The following GRAMD1B variants were observed in gnomAD, a reference collection of about 807,000 sequenced individuals.
GRAMD1B encodes protein Aster-B.
GRAMD1B carries 37 observed loss-of-function variants against 99.7 expected under a neutral mutation model. The ratio of observed to expected loss-of-function variants is 0.37; its 90% CI spans 0.29 to 0.49. The LOEUF is 0.49. GRAMD1B is among the 20% of genes least tolerant of loss of function. GRAMD1B has a pLI of 0.98. For missense variants in GRAMD1B, 888 were observed against 1,009.2 expected (o/e 0.88, Z 1.63); for synonymous variants, 427 against 387.6 (o/e 1.10, Z -1.19).
At chr11:123,490,308 T>C (rs1334574607) in intron 2 of GRAMD1B, among the ~76,000 whole-genome samples, 1 of 152,044 alleles carries the variant, frequency 6.6e-6, no homozygotes, top group Non-Finnish European at 1.5e-5. Context: ...GATGAGATGA[T>C]ATGAATGAGA....
chr11:123,537,133 A>T (rs1944049883), intron 2 of GRAMD1B, among the ~76,000 whole-genome samples: 1 of 152,172 alleles, frequency 6.6e-6, no homozygotes, highest in Non-Finnish European at 1.5e-5. Flanking sequence ...TAAAAGGATG[A>T]GTCAGTACTG....
intron 5 of GRAMD1B, among the ~76,000 whole-genome samples, chr11:123,594,508 A>G (rs1171193653): frequency 6.6e-6 from 1 of 152,110 alleles, no homozygotes; most frequent in African/African-American, 2.4e-5. Context: ...TTGCCTTCAC[A>G]TTTATTTATC....
intron 1 of GRAMD1B, among the ~76,000 whole-genome samples, chr11:123,446,214 T>C (rs1234478263): frequency 6.6e-6 from 1 of 151,946 alleles, no homozygotes; most frequent in Non-Finnish European, 1.5e-5. Flanking sequence ...CGCCCAGACT[T>C]GAGTGCAGTG....
rs553761846 is a variant in GRAMD1B at position 123,593,898 on chromosome 11, T to C, written c.685-184T>C. On this transcript the variant is annotated intron_variant, in intron 4 of 19. Coordinates refer to ENST00000635736, the MANE Select transcript of GRAMD1B (RefSeq NM_001387025.1). ...CTGCATAGTGTTTCCCAGCACCAGA[T>C]TCTCCCCACTGTGTTTCTCCACACC... Among the ~76,000 whole-genome samples, 3 of 152,246 alleles carry C rather than the reference T, an allele frequency of 2.0e-5. No homozygotes were observed. In the East Asian group the frequency reaches 5.8e-4, roughly 29 times the overall value.
intron 1 of GRAMD1B, among the ~76,000 whole-genome samples, chr11:123,378,449 T>TAAGG (rs1178136276): frequency 6.6e-6 from 1 of 152,228 alleles, no homozygotes; most frequent in East Asian, 1.9e-4. Flanking sequence ...AAGGCTTTTA[T>TAAGG]CAAATATATG....
rs2137185931 is a variant in GRAMD1B at position 123,623,648 on chromosome 11, G to A, written c.*1053G>A. ...GAACACTGTGAGTGGTGAGCACCAA[G>A]ATGGGTTGCCAGCCTCATTTGCTCT... On this transcript the variant is annotated 3_prime_UTR_variant, in exon 20 of 20. Coordinates refer to ENST00000635736, the MANE Select transcript of GRAMD1B (RefSeq NM_001387025.1). 6.6e-6 allele frequency: 1 copy of A among 152,380 alleles called. No homozygotes were observed. The highest frequency in any genetic ancestry group is 2.1e-4 in the South Asian group (1 of 4,830). 9.4% of individuals were successfully genotyped at this position (152,380 alleles called of 1,614,324 possible). A position where few individuals can be genotyped will look rare whatever the true frequency, so the allele number is the denominator to read the frequency against.
At chr11:123,568,077 A>G (rs1947597648) in intron 2 of GRAMD1B, among the ~76,000 whole-genome samples, 1 of 152,100 alleles carries the variant, frequency 6.6e-6, no homozygotes, top group Non-Finnish European at 1.5e-5. Context: ...GGGCTGTCCC[A>G]TCTTTAAATT....
intron 3 of GRAMD1B, chr11:123,578,445 G>GT (rs1592100404): frequency 6.6e-7 from 1 of 1,519,222 alleles, no homozygotes. Context: ...GCCATCTTTT[G>GT]TCTCTGTCCT....
At chr11:123,599,638 A>T (rs1313663728) in intron 7 of GRAMD1B, among the ~76,000 whole-genome samples, 1 of 152,122 alleles carries the variant, frequency 6.6e-6, no homozygotes, top group African/African-American at 2.4e-5. Context: ...ACGCCTGGCT[A>T]ATTTTTGTAT....
intron 2 of GRAMD1B, among the ~76,000 whole-genome samples, chr11:123,483,611 T>C (rs1401154950): frequency 6.6e-6 from 1 of 152,124 alleles, no homozygotes; most frequent in Non-Finnish European, 1.5e-5. Context: ...TGCTCTCAAC[T>C]CCTGAGGTCA....
chr11:123,359,433 T>A (rs1946065515), intron 1 of GRAMD1B, among the ~76,000 whole-genome samples: 1 of 152,008 alleles, frequency 6.6e-6, no homozygotes, highest in Non-Finnish European at 1.5e-5. Context: ...GTTACTCTTG[T>A]GGAGTAGATG....
intron 2 of GRAMD1B, among the ~76,000 whole-genome samples, chr11:123,503,451 A>G (rs1940101820): frequency 1.3e-5 from 2 of 152,076 alleles, no homozygotes; most frequent in South Asian, 4.1e-4. Context: ...CCCCCCACCC[A>G]TACCCCTAAG....
At chr11:123,594,601 T>A in intron 5 of GRAMD1B, 134 bp from the exon 6 acceptor site, 1 of 630,702 alleles carries the variant, frequency 1.6e-6, no homozygotes, top group Non-Finnish European at 2.9e-6. Flanking sequence ...CTAGTTCAAG[T>A]GTCTGGCACC....
At chr11:123,361,587 T>G (rs1044352856) in intron 1 of GRAMD1B, among the ~76,000 whole-genome samples, 1 of 152,224 alleles carries the variant, frequency 6.6e-6, no homozygotes, top group Admixed American at 6.5e-5. Context: ...TCTTTTCCTG[T>G]CTAGGCACGG....
At chr11:123,439,649 T>A (rs1328983254) in intron 1 of GRAMD1B, among the ~76,000 whole-genome samples, 1 of 152,150 alleles carries the variant, frequency 6.6e-6, no homozygotes, top group Non-Finnish European at 1.5e-5. Flanking sequence ...GTAGATGAGA[T>A]GGAGGAATGA....
chr11:123,562,909 A>G (rs1565377545), intron 2 of GRAMD1B, among the ~76,000 whole-genome samples: 1 of 152,246 alleles, frequency 6.6e-6, no homozygotes, highest in Non-Finnish European at 1.5e-5. Flanking sequence ...GACTGAAAAT[A>G]TATGTTTGCA....
At chr11:123,464,038 C>T (rs1257996745) in intron 1 of GRAMD1B, among the ~76,000 whole-genome samples, 1 of 152,010 alleles carries the variant, frequency 6.6e-6, no homozygotes, top group African/African-American at 2.4e-5. Context: ...AGGGGTGGGC[C>T]ATGCCTGTAA....
At chr11:123,370,838 A>C (rs769059691) in intron 1 of GRAMD1B, among the ~76,000 whole-genome samples, 1 of 152,140 alleles carries the variant, frequency 6.6e-6, no homozygotes, top group Admixed American at 6.5e-5. Flanking sequence ...TCTATGTGGC[A>C]TGATCGTCTC....
At chr11:123,457,168 C>G (rs928135264) in intron 1 of GRAMD1B, among the ~76,000 whole-genome samples, 1 of 112,142 alleles carries the variant, frequency 8.9e-6, no homozygotes, top group African/African-American at 3.5e-5. Flanking sequence ...CGAATCCCTT[C>G]CTGCTGTGAA....
Sources: gnomAD v4.1 joint callset for allele counts (sites outside exome capture counted in the v4.1 genomes callset) on GRCh38, gnomAD v4.1.1 for gene constraint, MANE v1.5 for transcripts, NCBI Gene and HGNC (gene_info 2026-07-23, HGNC 2026-07-21) for gene names.